The following SCO1 variants were observed in gnomAD, a reference collection of about 807,000 sequenced individuals.
SCO1 encodes synthesis of cytochrome C oxidase 1, also known as cytochrome c oxidase assembly factor SCO1.
A neutral mutation model predicts 34.0 loss-of-function variants in SCO1; 23 were observed. The observed-to-expected ratio is 0.68, with a 90% confidence interval of 0.49 to 0.96. The LOEUF (loss-of-function observed/expected upper bound fraction) is 0.96. Ranked by LOEUF, SCO1 falls within the 40% of genes least tolerant of loss-of-function variation. The pLI is 0.00. For synonymous variants in SCO1, 161 were observed against 145.5 expected, an observed-to-expected ratio of 1.11 and a Z score of -0.77; for missense variants, 404 against 381.6, an observed-to-expected ratio of 1.06 and a Z score of -0.49.
rs1296165030 is a variant in SCO1 at position 10,691,890 on chromosome 17, T to C, written c.637A>G (p.Ile213Val). ...AAAATACCTTTCACATAATTTGCGA[T>C]GGCTTCTTTTGTGTCCCTCTCTGGG... is the stretch of plus-strand genomic sequence containing the variant. ...IDPERDTKEA[I>V]ANYVKEFSPK... is the part of the protein sequence containing the mutation. The change falls in exon 4 of 6, where the codon ATC becomes GTC. Residue 213 changes from isoleucine (I) to valine (V), a missense_variant. Coordinates refer to ENST00000255390, the MANE Select transcript of SCO1 (RefSeq NM_004589.4). 2 of 1,610,698 alleles carry C rather than the reference T, an allele frequency of 1.2e-6. No homozygotes were observed. The highest frequency in any genetic ancestry group is 2.2e-5 in the East Asian group (1 of 44,872).
intron 4 of SCO1, among the ~76,000 whole-genome samples, chr17:10,689,192 G>A (rs1723242258): frequency 1.3e-5 from 2 of 151,522 alleles, no homozygotes; most frequent in Admixed American, 6.6e-5. Flanking sequence ...ACTAACAAAG[G>A]CAAAGGAAAA....
At chr17:10,686,905 CAAA>C in intron 4 of SCO1, 63 bp from the exon 5 acceptor site, 6 of 1,042,926 alleles carry the variant, frequency 5.8e-6, no homozygotes, top group Non-Finnish European at 7.6e-6. Context: ...ATCTCTACTT[CAAA>C]AAATGTATCA....
At position 10,679,834 on chromosome 17, in the gene SCO1, G is replaced by A. The variant is rs778802167; in HGVS notation, c.*1285C>T. The A allele has an allele frequency of 7.7e-6, 1 of 130,112 alleles. No individual in the cohort carries two copies. The highest frequency in any genetic ancestry group is 3.0e-5 in the African/African-American group (1 of 33,682). The allele number at this position is 130,112 out of a possible 1,614,324, so 8.1% of individuals were successfully genotyped here. A position where few individuals can be genotyped will look rare whatever the true frequency, so the allele number is the denominator to read the frequency against. On this transcript the variant is annotated 3_prime_UTR_variant, in exon 6 of 6. Transcript: ENST00000255390. ...TCTGTTGCCCAGGCTGGAATGCAGT[G>A]GTGTGATTATAGCTCACTGAAGCCT...
chr17:10,692,379 G>T (rs767410798), intron 3 of SCO1, among the ~76,000 whole-genome samples: 6 of 152,132 alleles, frequency 3.9e-5, no homozygotes, highest in Non-Finnish European at 8.8e-5. Flanking sequence ...TTCACTGTAT[G>T]GAGGAGGCAC....
chr17:10,683,974 G>C (rs1227965404), intron 5 of SCO1: 1 of 152,074 alleles, frequency 6.6e-6, no homozygotes, highest in East Asian at 1.9e-4. Context: ...ACCATCCTAT[G>C]GATGAAAATC....
intron 5 of SCO1, among the ~76,000 whole-genome samples, chr17:10,685,191 G>T (rs1309271096): frequency 6.6e-6 from 1 of 152,160 alleles, no homozygotes; most frequent in Non-Finnish European, 1.5e-5. Context: ...CTTGGGATGG[G>T]CCATGGGGAG....
At chr17:10,681,361 C>T in intron 5 of SCO1, 108 bp from the exon 6 acceptor site, 1 of 1,161,966 alleles carries the variant, frequency 8.6e-7, no homozygotes, top group South Asian at 1.2e-5. Context: ...GCTTAAATAA[C>T]CTTTACAGCA....
At chr17:10,686,514 G>A (rs560651232) in intron 5 of SCO1, among the ~76,000 whole-genome samples, 5 of 151,218 alleles carry the variant, frequency 3.3e-5, no homozygotes, top group African/African-American at 7.3e-5. Context: ...TCTGGGAGGC[G>A]GAGGTTGCAG....
At chr17:10,689,242 G>T (rs2074676542) in intron 4 of SCO1, among the ~76,000 whole-genome samples, 2 of 152,074 alleles carry the variant, frequency 1.3e-5, no homozygotes, top group Non-Finnish European at 2.9e-5. Flanking sequence ...CTTGACTGTG[G>T]GATGGTTTCA....
rs951102822 is a variant in SCO1 at position 10,675,525 on chromosome 17, T to C, written c.*5594A>G. The C allele has an allele frequency of 6.6e-6, 1 of 152,182 alleles. No homozygotes were observed. The highest frequency in any genetic ancestry group is 1.5e-5 in the Non-Finnish European group (1 of 68,034). 9.4% of individuals were successfully genotyped at this position (152,182 alleles called of 1,614,324 possible). On this transcript the variant is annotated 3_prime_UTR_variant, in exon 6 of 6. Transcript: ENST00000255390. ...AATCTTAAGTTCAAAGTTTAATATG[T>C]TTTTATGTATGTAAATCATCACCCA...
chr17:10,673,034 T>C lies in SCO1; in HGVS notation c.*8085A>G, dbSNP rs2074556980. ...TTTTTTTTTTTTTTGAGATGGAGTC[T>C]TGCCCTGTTGCCAGGCTGGAGTGCA... On this transcript the variant is annotated 3_prime_UTR_variant, in exon 6 of 6. Transcript: ENST00000255390. 1 of 151,220 alleles carries C rather than the reference T, an allele frequency of 6.6e-6. No homozygotes were observed. The highest frequency in any genetic ancestry group is 2.4e-5 in the African/African-American group (1 of 41,106). The allele number at this position is 151,220 out of a possible 1,614,324, so 9.4% of individuals were successfully genotyped here. A position where few individuals can be genotyped will look rare whatever the true frequency, so the allele number is the denominator to read the frequency against.
At position 10,679,580 on chromosome 17, in the gene SCO1, T is replaced by C. The variant is rs1332169309; in HGVS notation, c.*1539A>G. The C allele has an allele frequency of 2.6e-5, 4 of 152,328 alleles. No individual in the cohort carries two copies. Among genetic ancestry groups the C allele is most frequent in the East Asian group, 1.9e-4 (1 of 5,178 alleles). 9.4% of individuals were successfully genotyped at this position (152,328 alleles called of 1,614,324 possible). Reference sequence around the variant, plus strand: ...ATATTTGTTGCATCTTAGGATTTACTGAAAAACTTTTGGAGAACTTTGCCC... The same window carrying C: ...ATATTTGTTGCATCTTAGGATTTACCGAAAAACTTTTGGAGAACTTTGCCC... On this transcript the variant is annotated 3_prime_UTR_variant, in exon 6 of 6. Coordinates refer to ENST00000255390, the MANE Select transcript of SCO1 (RefSeq NM_004589.4).
rs760695308 is a variant in SCO1, at chr17:10,697,311, G to A, written c.197C>T (p.Pro66Leu). Residue 66 changes from proline to leucine, a missense_variant, in exon 1 of 6, where the codon CCC (proline) becomes CTC (leucine). Physicochemically the swap from Pro to Leu is moderately conservative, Grantham distance 98 (BLOSUM62 -3). Transcript: ENST00000255390. ...GRPGYCLGTR[P>L]LSTARPPPPW... ...GGGTGGCGGCCTCGCAGTGCTGAGG[G>A]GCCGGGTTCCCAGGCAATAGCCAGG... 1.3e-4 allele frequency: 208 copies of A among 1,567,646 alleles called. No homozygotes were observed. Among genetic ancestry groups the A allele is most frequent in the Non-Finnish European group, 1.7e-4 (202 of 1,157,014 alleles).
Position 10,697,528 on chromosome 17 carries a change from C to T in SCO1, c.-21G>A, listed in dbSNP as rs140054533. ...GCCATGAGCCTCGGAGACCGGGTCT[C>T]CTTTGACCCTCCCCGCGATTTCCGG... is the stretch of plus-strand genomic sequence containing the variant. On this transcript the variant is annotated 5_prime_UTR_variant, in exon 1 of 6. Coordinates refer to ENST00000255390, the MANE Select transcript of SCO1 (RefSeq NM_004589.4). 1 of 1,612,744 alleles carries T rather than the reference C, an allele frequency of 6.2e-7. No individual in the cohort carries two copies. Among genetic ancestry groups the T allele is most frequent in the African/African-American group, 1.3e-5 (1 of 75,038 alleles).
chr17:10,697,475 A>G lies in SCO1; in HGVS notation c.33T>C (p.Val11=), dbSNP rs780127886. MAMLVLVPGR[V]MRPLGGQLWR... is the part of the protein sequence containing the mutation. ...AAAGTTGGCCACCCAGAGGCCGCAT[A>G]ACTCGTCCGGGTACTAGGACCAGCA... The change falls in exon 1 of 6, where the codon GTT becomes GTC. Residue 11 remains valine, a synonymous_variant. Transcript: ENST00000255390. 28 of 1,613,306 alleles carry G rather than the reference A, an allele frequency of 1.7e-5. No individual in the cohort carries two copies. The highest frequency in any genetic ancestry group is 1.2e-4 in the African/African-American group (9 of 74,904).
chr17:10,687,900 T>C (rs963189420), intron 4 of SCO1, among the ~76,000 whole-genome samples: 1 of 152,200 alleles, frequency 6.6e-6, no homozygotes, highest in Non-Finnish European at 1.5e-5. Flanking sequence ...TTTGCCAATA[T>C]AACACATGTT....
chr17:10,692,126 T>C (rs548166356), intron 3 of SCO1, among the ~76,000 whole-genome samples, 162 bp from the exon 4 acceptor site: 24 of 152,272 alleles, frequency 1.6e-4, no homozygotes, highest in African/African-American at 5.3e-4. Context: ...GGGAAGGGGA[T>C]GGAGAAGGGA....
chr17:10,688,381 G>A (rs1567574659), intron 4 of SCO1, among the ~76,000 whole-genome samples: 1 of 152,168 alleles, frequency 6.6e-6, no homozygotes, highest in South Asian at 2.1e-4. Flanking sequence ...TGGCAAATAA[G>A]AGCATAAAAA....
chr17:10,697,324 G>A lies in SCO1; in HGVS notation c.184C>T (p.Leu62=), dbSNP rs1202241277. 6.4e-7 allele frequency: 1 copy of A among 1,571,248 alleles called. No individual in the cohort carries two copies. Among genetic ancestry groups the A allele is most frequent in the South Asian group, 1.2e-5 (1 of 86,256 alleles). The change falls in exon 1 of 6, where the codon CTG becomes TTG. Residue 62 remains leucine, a synonymous_variant. Transcript: ENST00000255390. ...WRASGRPGYC[L]GTRPLSTARP... The stretch of plus-strand genomic sequence containing the variant: ...GCAGTGCTGAGGGGCCGGGTTCCCA[G>A]GCAATAGCCAGGGCGCCCCGAGGCA...
Sources: gnomAD v4.1 joint callset for allele counts (sites outside exome capture counted in the v4.1 genomes callset) on GRCh38, gnomAD v4.1.1 for gene constraint, MANE v1.5 for transcripts, NCBI Gene and HGNC (gene_info 2026-07-23, HGNC 2026-07-21) for gene names.